Variants in COL5A2 observed in about 807,000 individuals in gnomAD.
The protein encoded by COL5A2 is collagen type V alpha 2 chain.
A neutral mutation model predicts 208.2 loss-of-function variants in COL5A2; 23 were observed. That is an observed-to-expected ratio of 0.11 (90% confidence interval 0.08 to 0.16). The LOEUF (loss-of-function observed/expected upper bound fraction) is 0.16, where lower values mean the gene tolerates loss of function less well. Ranked by LOEUF, COL5A2 falls within the 10% of genes least tolerant of loss-of-function variation. The pLI is 1.00. For synonymous variants in COL5A2, 625 were observed against 628.5 expected (o/e 0.99, Z 0.08); for missense variants, 1,590 against 1,956.4 (o/e 0.81, Z 3.53).
chr2:189,214,414 A>G (rs1239747732), intron 1 of COL5A2, among the ~76,000 whole-genome samples: 1 of 152,112 alleles, frequency 6.6e-6, no homozygotes, highest in Non-Finnish European at 1.5e-5. Flanking sequence ...CAACAATACT[A>G]TATAAAAACA....
intron 1 of COL5A2, among the ~76,000 whole-genome samples, chr2:189,214,925 G>A (rs1254469981): frequency 6.6e-6 from 1 of 152,118 alleles, no homozygotes; most frequent in Non-Finnish European, 1.5e-5. Context: ...ACCTGATCTA[G>A]ATATATTTTC....
At position 189,097,326 on chromosome 2, in the gene COL5A2, G is replaced by A. The variant is rs863223502; in HGVS notation, c.407C>T (p.Pro136Leu). The A allele has an allele frequency of 3.7e-6, 6 of 1,613,882 alleles. No individual in the cohort carries two copies. The highest frequency in any genetic ancestry group is 5.1e-6 in the Non-Finnish European group (6 of 1,179,974). ...TCCTCTTGGTCCCTGTGATCCTGGA[G>A]GTCCCTAAAACAGAAAATGATGATT... Reference protein sequence around the residue: ...GIRGRPGPAGPPGSQGPRGER... With the variant: ...GIRGRPGPAGLPGSQGPRGER... Residue 136 changes from proline (P) to leucine (L), a missense_variant, in exon 6 of 54, where the codon CCT (proline) becomes CTT (leucine). Coordinates refer to ENST00000374866, the MANE Select transcript of COL5A2 (RefSeq NM_000393.5).
At chr2:189,321,060 C>T in the COL5A2 span, among the ~76,000 whole-genome samples, 1 of 152,108 alleles carries the variant, frequency 6.6e-6, no homozygotes, top group African/African-American at 2.4e-5. Context: ...CATATCCAGC[C>T]AAACTAAGCT....
chr2:189,347,693 C>T, the COL5A2 span, among the ~76,000 whole-genome samples: 1 of 152,162 alleles, frequency 6.6e-6, no homozygotes, highest in East Asian at 1.9e-4. Context: ...GTTAAGATTC[C>T]TGCCAAACCA....
the COL5A2 span, among the ~76,000 whole-genome samples, chr2:189,293,118 T>G: frequency 1.3e-3 from 170 of 129,784 alleles, no homozygotes; most frequent in South Asian, 7.4e-3. Flanking sequence ...GTGGGGGGAG[T>G]GGGGAGGGAT....
At chr2:189,137,747 C>T (rs1296689979) in intron 1 of COL5A2, among the ~76,000 whole-genome samples, 2 of 152,094 alleles carry the variant, frequency 1.3e-5, no homozygotes, top group African/African-American at 4.8e-5. Flanking sequence ...TTGTGCAATA[C>T]TCATGAAGGC....
At chr2:189,197,718 A>C (rs1447218251) in intron 1 of COL5A2, among the ~76,000 whole-genome samples, 2 of 152,134 alleles carry the variant, frequency 1.3e-5, no homozygotes, top group Non-Finnish European at 2.9e-5. Context: ...AGGGAAGAAC[A>C]CTCCAGCAAA....
chr2:189,262,194 C>T, the COL5A2 span, among the ~76,000 whole-genome samples: 1 of 151,996 alleles, frequency 6.6e-6, no homozygotes, highest in Admixed American at 6.6e-5. Context: ...GAGTTGTTCC[C>T]ATCTAGCCTT....
At chr2:189,368,900 A>C in the COL5A2 span, among the ~76,000 whole-genome samples, 1 of 152,254 alleles carries the variant, frequency 6.6e-6, no homozygotes, top group South Asian at 2.1e-4. Flanking sequence ...AAAAAGGAAA[A>C]GCTTGTTTCT....
intron 1 of COL5A2, among the ~76,000 whole-genome samples, chr2:189,154,632 T>C (rs1027178544): frequency 3.3e-5 from 5 of 152,156 alleles, no homozygotes; most frequent in South Asian, 4.1e-4. Context: ...AAATGAACCA[T>C]AATTTTTATT....
At chr2:189,232,417 G>T in the COL5A2 span, among the ~76,000 whole-genome samples, 1 of 151,674 alleles carries the variant, frequency 6.6e-6, no homozygotes, top group African/African-American at 2.4e-5. Context: ...TTATAAGTGA[G>T]AAAGATAGGT....
the COL5A2 span, among the ~76,000 whole-genome samples, chr2:189,289,727 G>A: frequency 5.9e-5 from 9 of 152,136 alleles, no homozygotes; most frequent in Admixed American, 2.0e-4. Context: ...TAGTATTTCC[G>A]AACACCTAGG....
intron 1 of COL5A2, among the ~76,000 whole-genome samples, chr2:189,206,773 G>A (rs1024137156): frequency 2.0e-5 from 3 of 152,156 alleles, no homozygotes; most frequent in African/African-American, 7.2e-5. Context: ...GAGGACAGCA[G>A]GATTGTGAAA....
the COL5A2 span, among the ~76,000 whole-genome samples, chr2:189,402,688 G>A: frequency 6.6e-6 from 1 of 152,154 alleles, no homozygotes; most frequent in African/African-American, 2.4e-5. Context: ...GGTTTGTTGA[G>A]GATCAAATGG....
At chr2:189,353,825 G>A in the COL5A2 span, among the ~76,000 whole-genome samples, 3 of 152,134 alleles carry the variant, frequency 2.0e-5, no homozygotes, top group Non-Finnish European at 2.9e-5. Flanking sequence ...CCAATACTAT[G>A]TTGAATAGGA....
intron 50 of COL5A2, among the ~76,000 whole-genome samples, chr2:189,040,920 G>C (rs553092525): frequency 5.9e-5 from 9 of 152,264 alleles, no homozygotes; most frequent in Non-Finnish European, 1.0e-4. Context: ...TAAATATCTG[G>C]CTTAACAGTA....
chr2:189,289,273 G>A, the COL5A2 span, among the ~76,000 whole-genome samples: 22 of 152,026 alleles, frequency 1.4e-4, no homozygotes, highest in East Asian at 3.9e-3. Flanking sequence ...CCTGGGAGGC[G>A]GAGGTTGCAG....
In COL5A2 at chr2:189,052,821, A is replaced by C. The variant is rs548798901; in HGVS notation, c.2662-19T>G. The C allele has an allele frequency of 1.2e-6, 2 of 1,614,022 alleles. No individual in the cohort carries two copies. Among genetic ancestry groups the C allele is most frequent in the South Asian group, 1.1e-5 (1 of 91,074 alleles). On this transcript the variant is annotated intron_variant, in intron 39 of 53. Coordinates refer to ENST00000374866, the MANE Select transcript of COL5A2 (RefSeq NM_000393.5). ...TAGGACCCTGAATAGAAACAAACAA[A>C]AGAGCACTATAGTGAAGCAAAAGAG...
chr2:189,040,385 A>G (rs1015170486), intron 50 of COL5A2, among the ~76,000 whole-genome samples: 5 of 148,682 alleles, frequency 3.4e-5, no homozygotes, highest in Non-Finnish European at 7.4e-5. Flanking sequence ...AGAGGGAGAT[A>G]AGCACAAAAA....
Sources: gnomAD v4.1 joint callset for allele counts (sites outside exome capture counted in the v4.1 genomes callset) on GRCh38, gnomAD v4.1.1 for gene constraint, MANE v1.5 for transcripts, NCBI Gene and HGNC (gene_info 2026-07-23, HGNC 2026-07-21) for gene names.